GOLGA1: variants seen among roughly 807,000 people sequenced by gnomAD.
GOLGA1 encodes the protein golgin A1.
In GOLGA1, 63 loss-of-function variants were observed where a neutral mutation model predicts 119.7. The observed-to-expected ratio is 0.53, with a 90% CI of 0.43 to 0.65. The LOEUF (loss-of-function observed/expected upper bound fraction) is 0.65, where lower values mean the gene tolerates loss of function less well. Ranked by LOEUF, GOLGA1 falls within the 30% of genes least tolerant of loss-of-function variation. The pLI, the probability that GOLGA1 is intolerant of heterozygous loss-of-function variation, is 0.00. For synonymous variants in GOLGA1, 318 were observed against 333.4 expected, an observed-to-expected ratio of 0.95 and a Z score of 0.50; for missense variants, 798 against 912.8, an observed-to-expected ratio of 0.87 and a Z score of 1.62.
chr9:124,887,472 GTATT>G (rs1160166549), intron 19 of GOLGA1: 1 of 151,982 alleles, frequency 6.6e-6, no homozygotes, highest in Admixed American at 6.6e-5. Flanking sequence ...TTTCCTGTGT[GTATT>G]TTTTTTTTCA....
intron 12 of GOLGA1, 30 bp downstream of exon 12, chr9:124,908,347 C>T (rs1380225046): frequency 8.1e-7 from 1 of 1,231,876 alleles, no homozygotes; most frequent in South Asian, 1.2e-5. Flanking sequence ...ACCACCCAAA[C>T]TTAGGAAACA....
At chr9:124,928,050 A>T (rs577759184) in intron 6 of GOLGA1, 138 bp downstream of exon 6, 1 of 514,940 alleles carries the variant, frequency 1.9e-6, no homozygotes, top group East Asian at 3.2e-5. Flanking sequence ...AAAAGGCCAA[A>T]GAAAACCTTA....
intron 1 of GOLGA1, among the ~76,000 whole-genome samples, chr9:124,940,653 C>T (rs1319985123): frequency 1.3e-5 from 2 of 152,204 alleles, no homozygotes; most frequent in Non-Finnish European, 2.9e-5. Context: ...CTCAGGCTAC[C>T]TCCAGCCCCG....
chr9:124,921,481 A>C (rs924196528), intron 9 of GOLGA1, among the ~76,000 whole-genome samples: 29 of 152,184 alleles, frequency 1.9e-4, no homozygotes, highest in African/African-American at 6.5e-4. Flanking sequence ...AATACTTTAC[A>C]AACTAAAACC....
Position 124,888,625 on chromosome 9 carries a change from C to A in GOLGA1, c.1762-229G>T, listed in dbSNP as rs1829780676. ...GGGCTTGCTCTCCCCTGCCTACCGACAGGGGTGCCATCTGTGATGGGCTCT... is the reference window on the plus strand; with the variant it reads ...GGGCTTGCTCTCCCCTGCCTACCGAAAGGGGTGCCATCTGTGATGGGCTCT... On this transcript the variant is annotated intron_variant, in intron 18 of 22. Transcript: ENST00000373555. The surrounding 1 kb of genome is among the most constrained non-coding windows in gnomAD (Gnocchi z 4.4). 1.3e-5 allele frequency among the ~76,000 whole-genome samples: 2 copies of A among 152,238 alleles called. No homozygotes were observed. The highest frequency in any genetic ancestry group is 3.8e-4 in the East Asian group (2 of 5,196).
chr9:124,900,237 G>T, intron 13 of GOLGA1: 1 of 408,042 alleles, frequency 2.5e-6, no homozygotes, highest in Non-Finnish European at 4.4e-6. Flanking sequence ...GTGGAAAGGA[G>T]CTGCTGGTGC....
chr9:124,927,453 T>C (rs1190800838), intron 6 of GOLGA1, among the ~76,000 whole-genome samples: 3 of 152,200 alleles, frequency 2.0e-5, no homozygotes, highest in African/African-American at 4.8e-5. Flanking sequence ...ATGTCCTAGA[T>C]GATGAACAGA....
intron 10 of GOLGA1, among the ~76,000 whole-genome samples, chr9:124,919,942 AT>A (rs1026528314): frequency 6.6e-6 from 1 of 151,188 alleles, no homozygotes; most frequent in African/African-American, 2.4e-5. Flanking sequence ...ATTTATATTT[AT>A]TTATTTATTT....
Position 124,881,920 on chromosome 9 carries a change from C to T in GOLGA1, c.2000G>A (p.Arg667Gln), listed in dbSNP as rs138765093. Residue 667 changes from arginine (R) to glutamine (Q), a missense_variant, in exon 21 of 23, where the codon CGG becomes CAG. Physicochemically the swap from Arg to Gln is conservative, Grantham distance 43. Transcript: ENST00000373555. The surrounding 1 kb of genome is among the most constrained non-coding windows in gnomAD (Gnocchi z 4.9). Reference protein sequence around the residue: ...IRPDNELFEVREKPGPEMANM... With the variant: ...IRPDNELFEVQEKPGPEMANM... ...TGCCATCTCAGGTCCAGGTTTCTCC[C>T]GGACTTCGAAGAGCTCATTATCGGG... 83 of 1,610,920 alleles carry T rather than the reference C, an allele frequency of 5.2e-5. No homozygotes were observed. The African/African-American group carries it at 6.0e-4, about 12-fold the overall frequency.
intron 15 of GOLGA1, among the ~76,000 whole-genome samples, chr9:124,894,463 T>A (rs1829921363): frequency 6.6e-6 from 1 of 152,088 alleles, no homozygotes; most frequent in Non-Finnish European, 1.5e-5. Context: ...AGTGGTACGA[T>A]CTTGCACACT....
Position 124,878,816 on chromosome 9 carries a change from G to C in GOLGA1, c.*1714C>G, listed in dbSNP as rs540127802. 6.6e-6 allele frequency: 1 copy of C among 152,344 alleles called. No homozygotes were observed. Among genetic ancestry groups the C allele is most frequent in the East Asian group, 1.9e-4 (1 of 5,186 alleles). 9.4% of individuals were successfully genotyped at this position (152,344 alleles called of 1,614,324 possible). On this transcript the variant is annotated 3_prime_UTR_variant, in exon 23 of 23. Coordinates refer to ENST00000373555, the MANE Select transcript of GOLGA1 (RefSeq NM_002077.4). ...TGGCTGTGAGCTACCCAGTCTTAGAGATTCTTTCCTGGAACAGTTGAAAAA... is the reference window on the plus strand; with the variant it reads ...TGGCTGTGAGCTACCCAGTCTTAGACATTCTTTCCTGGAACAGTTGAAAAA...
intron 15 of GOLGA1, among the ~76,000 whole-genome samples, chr9:124,893,150 C>T (rs1450816301): frequency 6.6e-6 from 1 of 152,024 alleles, no homozygotes; most frequent in African/African-American, 2.4e-5. Context: ...CAGGTGTATG[C>T]CTTGATGAAC....
At chr9:124,938,890 G>A in intron 2 of GOLGA1, 24 bp from the exon 3 acceptor site, 1 of 493,518 alleles carries the variant, frequency 2.0e-6, no homozygotes, top group East Asian at 3.3e-5. Flanking sequence ...GAAAGAGACA[G>A]TTCAAAAGTT....
At chr9:124,906,886 G>T (rs1249633283) in intron 12 of GOLGA1, among the ~76,000 whole-genome samples, 1 of 151,894 alleles carries the variant, frequency 6.6e-6, no homozygotes, top group Admixed American at 6.6e-5. Context: ...AAAATAATCT[G>T]AATAAATGGA....
At chr9:124,886,531 G>A (rs1284531902) in intron 19 of GOLGA1, among the ~76,000 whole-genome samples, 1 of 152,164 alleles carries the variant, frequency 6.6e-6, no homozygotes, top group Non-Finnish European at 1.5e-5. Context: ...GAGAAGAGGA[G>A]TGGGAATGGA....
chr9:124,882,567 G>C lies in GOLGA1; in HGVS notation c.1908C>G (p.Thr636=), dbSNP rs373853443. 1 of 1,611,614 alleles carries C rather than the reference G, an allele frequency of 6.2e-7. No homozygotes were observed. The highest frequency in any genetic ancestry group is 2.2e-5 in the East Asian group (1 of 44,888). The change falls in exon 20 of 23, where the codon ACC becomes ACG. Residue 636 remains threonine, a splice_region_variant and synonymous_variant. Transcript: ENST00000373555. ...GCATCCGCTGCTGCATCTGCTTTAT[G>C]GTCTGCGACAAGCCCCACCCCACAG... The part of the protein sequence containing the change: ...LEQQLLEKNK[T]IKQMQQRMLE...
intron 2 of GOLGA1, among the ~76,000 whole-genome samples, chr9:124,939,441 C>G (rs756338048): frequency 2.0e-5 from 3 of 151,840 alleles, no homozygotes; most frequent in Non-Finnish European, 2.9e-5. Flanking sequence ...AGAAGACACA[C>G]CAGACAACTC....
chr9:124,886,353 C>A (rs1290122803), intron 19 of GOLGA1, among the ~76,000 whole-genome samples: 1 of 152,168 alleles, frequency 6.6e-6, no homozygotes, highest in Middle Eastern at 3.2e-3. Context: ...GGAGAAGGAG[C>A]AGGCCATGGA....
intron 7 of GOLGA1, among the ~76,000 whole-genome samples, chr9:124,925,136 C>A (rs1401435738): frequency 6.6e-6 from 1 of 151,240 alleles, no homozygotes; most frequent in Non-Finnish European, 1.5e-5. Flanking sequence ...AAAAACAAAA[C>A]AAAGAGAAAA....
Sources: allele counts gnomAD v4.1 joint callset (sites outside exome capture counted in the v4.1 genomes callset), GRCh38; gene constraint gnomAD v4.1.1; non-coding constraint Gnocchi (gnomAD v3.1); transcripts MANE v1.5; gene names NCBI Gene and HGNC (gene_info 2026-07-23, HGNC 2026-07-21).